The following ARHGAP10 variants were observed in gnomAD, a reference collection of about 807,000 sequenced individuals.
ARHGAP10 encodes the protein Rho GTPase activating protein 10.
Under a neutral mutation model 108.6 loss-of-function variants are expected in ARHGAP10, and 87 were observed. The ratio of observed to expected loss-of-function variants is 0.80; its 90% confidence interval spans 0.67 to 0.96. The LOEUF (loss-of-function observed/expected upper bound fraction) is 0.96. Ranked by LOEUF, ARHGAP10 falls within the 40% of genes least tolerant of loss-of-function variation. The pLI, the probability that ARHGAP10 is intolerant of heterozygous loss-of-function variation, is 0.00. For synonymous variants in ARHGAP10, 347 were observed against 341.1 expected (o/e 1.02, Z -0.19); for missense variants, 939 against 954.5 (o/e 0.98, Z 0.21).
intron 10 of ARHGAP10, among the ~76,000 whole-genome samples, chr4:147,897,075 A>G (rs1258140317): frequency 9.2e-5 from 14 of 152,080 alleles, no homozygotes; most frequent in Admixed American, 9.2e-4. Context: ...TCTAACAGTA[A>G]TATAGCTACA....
At chr4:147,994,833 G>A (rs919184742) in intron 18 of ARHGAP10, among the ~76,000 whole-genome samples, 2 of 152,200 alleles carry the variant, frequency 1.3e-5, no homozygotes, top group Admixed American at 6.5e-5. Context: ...GAAATGGGGG[G>A]AAATGACCGC....
intron 1 of ARHGAP10, among the ~76,000 whole-genome samples, chr4:147,822,455 A>AG (rs2126786182): frequency 6.6e-6 from 1 of 152,348 alleles, no homozygotes; most frequent in South Asian, 2.1e-4. Context: ...AACAATGTGA[A>AG]ATAATCAGAT....
chr4:147,920,055 C>A (rs1737170785), intron 13 of ARHGAP10, among the ~76,000 whole-genome samples: 1 of 152,064 alleles, frequency 6.6e-6, no homozygotes, highest in South Asian at 2.1e-4. Context: ...GTGGGATACA[C>A]CATTGTTATC....
chr4:147,797,093 G>A (rs1258296387), intron 1 of ARHGAP10, among the ~76,000 whole-genome samples: 1 of 152,148 alleles, frequency 6.6e-6, no homozygotes, highest in African/African-American at 2.4e-5. Flanking sequence ...GGCATATCAT[G>A]GGGTTCAAAG....
intron 18 of ARHGAP10, among the ~76,000 whole-genome samples, chr4:147,992,129 G>A: frequency 6.6e-6 from 1 of 152,178 alleles, no homozygotes; most frequent in East Asian, 1.9e-4. Context: ...CCTTGTTTTA[G>A]CTTTCCAGTT....
chr4:147,748,317 A>G (rs911361447), intron 1 of ARHGAP10, among the ~76,000 whole-genome samples: 2 of 152,206 alleles, frequency 1.3e-5, no homozygotes, highest in Admixed American at 1.3e-4. Flanking sequence ...AGTCGGGTGA[A>G]GAAGTGGGCA....
At chr4:147,909,580 G>T (rs1451743658) in intron 11 of ARHGAP10, 152 bp from the exon 12 acceptor site, 1 of 638,216 alleles carries the variant, frequency 1.6e-6, no homozygotes, top group Non-Finnish European at 2.7e-6. Flanking sequence ...GTGTCAGGAA[G>T]TGGGGATGCA....
intron 1 of ARHGAP10, among the ~76,000 whole-genome samples, chr4:147,750,514 A>C (rs528253657): frequency 6.6e-6 from 1 of 152,242 alleles, no homozygotes; most frequent in African/African-American, 2.4e-5. Context: ...TAAAGGGAAT[A>C]GTCATCACCC....
chr4:147,906,826 C>G, intron 11 of ARHGAP10, 107 bp downstream of exon 11: 1 of 1,303,872 alleles, frequency 7.7e-7, no homozygotes, highest in Non-Finnish European at 1.1e-6. Flanking sequence ...CCTTCTATAA[C>G]AGGTATTCCA....
At chr4:148,066,161 C>T (rs1033168721) in intron 22 of ARHGAP10, among the ~76,000 whole-genome samples, 3 of 152,074 alleles carry the variant, frequency 2.0e-5, no homozygotes, top group Non-Finnish European at 4.4e-5. Context: ...CTGGCGGGAG[C>T]GAGATGACTA....
At chr4:147,913,651 G>A (rs1057001675) in intron 13 of ARHGAP10, among the ~76,000 whole-genome samples, 1 of 152,004 alleles carries the variant, frequency 6.6e-6, no homozygotes, top group Non-Finnish European at 1.5e-5. Flanking sequence ...CACCCTAAAG[G>A]CCTCTTTAAA....
chr4:148,070,190 G>A (rs578027205), intron 22 of ARHGAP10, among the ~76,000 whole-genome samples: 48 of 152,262 alleles, frequency 3.2e-4, no homozygotes, highest in East Asian at 2.3e-3. Context: ...CTGCACACAC[G>A]CACACAGAAC....
intron 22 of ARHGAP10, among the ~76,000 whole-genome samples, chr4:148,071,435 G>C (rs1195212501): frequency 1.3e-5 from 2 of 152,188 alleles, no homozygotes; most frequent in East Asian, 1.9e-4. Flanking sequence ...GGCCAATGTG[G>C]TGAAACCCCA....
intron 18 of ARHGAP10, among the ~76,000 whole-genome samples, chr4:148,019,828 T>G (rs1337379696): frequency 6.6e-6 from 1 of 152,036 alleles, no homozygotes; most frequent in Non-Finnish European, 1.5e-5. Flanking sequence ...CTGTTAAGAT[T>G]TAAAAGCCAG....
intron 7 of ARHGAP10, among the ~76,000 whole-genome samples, chr4:147,874,252 A>C (rs1034409547): frequency 6.6e-6 from 1 of 152,170 alleles, no homozygotes; most frequent in African/African-American, 2.4e-5. Flanking sequence ...GTATTAATAC[A>C]ATTATTTTTG....
At chr4:147,897,795 G>A (rs999942909) in intron 10 of ARHGAP10, among the ~76,000 whole-genome samples, 19 of 152,136 alleles carry the variant, frequency 1.2e-4, no homozygotes, top group African/African-American at 4.6e-4. Context: ...GTCTTTTAAA[G>A]AAATTTACTG....
chr4:147,784,065 T>C (rs1730696325), intron 1 of ARHGAP10, among the ~76,000 whole-genome samples: 1 of 125,766 alleles, frequency 8.0e-6, no homozygotes, highest in African/African-American at 3.0e-5. Context: ...TACATAACAT[T>C]AAATTGTGTA....
intron 1 of ARHGAP10, among the ~76,000 whole-genome samples, chr4:147,807,733 A>G (rs567530305): frequency 6.6e-6 from 1 of 152,374 alleles, no homozygotes; most frequent in Non-Finnish European, 1.5e-5. Context: ...AATTGTAATC[A>G]AATAAGAAAA....
intron 20 of ARHGAP10, among the ~76,000 whole-genome samples, chr4:148,054,977 C>G (rs1438859852): frequency 6.6e-6 from 1 of 152,174 alleles, no homozygotes; most frequent in Non-Finnish European, 1.5e-5. Context: ...AGGACAGTAA[C>G]CTTCAGACCT....
Sources: allele counts gnomAD v4.1 joint callset (sites outside exome capture counted in the v4.1 genomes callset), GRCh38; gene constraint gnomAD v4.1.1; transcripts MANE v1.5; gene names NCBI Gene and HGNC (gene_info 2026-07-23, HGNC 2026-07-21).